SLC38A1: variants seen among roughly 807,000 people sequenced by gnomAD.
SLC38A1 encodes the protein solute carrier family 38 member 1.
In SLC38A1, 18 loss-of-function variants were observed where a neutral mutation model predicts 60.3. The observed-to-expected ratio is 0.30, with a 90% CI of 0.21 to 0.44. SLC38A1 has a LOEUF of 0.44. Among genes scored for constraint, SLC38A1 ranks in the 20% least tolerant of loss-of-function variants. The pLI, the probability that SLC38A1 is intolerant of heterozygous loss-of-function variation, is 1.00. For missense variants in SLC38A1, 448 were observed against 587.2 expected (o/e 0.76, Z 2.45); for synonymous variants, 196 against 212.1 (o/e 0.92, Z 0.66).
intron 1 of SLC38A1, among the ~76,000 whole-genome samples, chr12:46,248,412 A>AT (rs948476371): frequency 2.0e-5 from 3 of 152,248 alleles, no homozygotes; most frequent in African/African-American, 7.2e-5. Flanking sequence ...CAGACTTTAA[A>AT]TGAACAAAGA....
At chr12:46,249,427 T>C (rs1214045034) in intron 1 of SLC38A1, among the ~76,000 whole-genome samples, 1 of 151,954 alleles carries the variant, frequency 6.6e-6, no homozygotes, top group African/African-American at 2.4e-5. Context: ...TTAGAGGAAC[T>C]AGAGAAGCAA....
chr12:46,205,381 T>C (rs529320260), intron 9 of SLC38A1, among the ~76,000 whole-genome samples: 1 of 152,286 alleles, frequency 6.6e-6, no homozygotes, highest in East Asian at 1.9e-4. Flanking sequence ...CTAAGGCTCA[T>C]AATTATTGTT....
chr12:46,240,136 G>T (rs1941397263), intron 2 of SLC38A1, among the ~76,000 whole-genome samples: 1 of 152,030 alleles, frequency 6.6e-6, no homozygotes, highest in African/African-American at 2.4e-5. Flanking sequence ...TACTGATCAG[G>T]TTTATAAGAA....
At chr12:46,211,701 C>T (rs1940179162) in intron 5 of SLC38A1, among the ~76,000 whole-genome samples, 1 of 152,224 alleles carries the variant, frequency 6.6e-6, no homozygotes, top group Non-Finnish European at 1.5e-5. Context: ...TTATCTTCTT[C>T]CCCCCACTTA....
At chr12:46,265,525 T>G (rs1249433946) in intron 1 of SLC38A1, among the ~76,000 whole-genome samples, 1 of 152,018 alleles carries the variant, frequency 6.6e-6, no homozygotes, top group Non-Finnish European at 1.5e-5. Flanking sequence ...AGGGAGGGAA[T>G]AGGGTGAACT....
rs1249685521 is a variant in SLC38A1 at position 46,268,427 on chromosome 12, A to C, written c.-209+99T>G. On this transcript the variant is annotated intron_variant, in intron 1 of 16. Coordinates refer to ENST00000398637, the MANE Select transcript of SLC38A1 (RefSeq NM_030674.4). The surrounding 1 kb of genome is among the most constrained non-coding windows in gnomAD (Gnocchi z 4.4). Reference sequence around the variant, plus strand: ...GCACAGCCGAGCTCTCTCTGCTTTCACGCCCGCAGAGATGATTTCTACGTT... The same window carrying C: ...GCACAGCCGAGCTCTCTCTGCTTTCCCGCCCGCAGAGATGATTTCTACGTT... 1 of 153,354 alleles carries C rather than the reference A, an allele frequency of 6.5e-6. No individual in the cohort carries two copies. The highest frequency in any genetic ancestry group is 2.4e-5 in the African/African-American group (1 of 41,474). 9.5% of individuals were successfully genotyped at this position (153,354 alleles called of 1,614,324 possible).
chr12:46,234,315 T>G (rs1489543754), intron 3 of SLC38A1, among the ~76,000 whole-genome samples: 1 of 152,244 alleles, frequency 6.6e-6, no homozygotes, highest in Admixed American at 6.5e-5. Context: ...GGGAGTAGCT[T>G]AAGCTGGAGG....
chr12:46,240,021 TA>T (rs1379288891), intron 2 of SLC38A1, 128 bp from the exon 3 acceptor site: 1 of 488,476 alleles, frequency 2.0e-6, no homozygotes, highest in Non-Finnish European at 3.7e-6. Context: ...CTAGATGCAT[TA>T]AAGCAATCTT....
chr12:46,266,529 T>C (rs764257572), intron 1 of SLC38A1, among the ~76,000 whole-genome samples: 1 of 151,920 alleles, frequency 6.6e-6, no homozygotes, highest in African/African-American at 2.4e-5. Context: ...CATTCGGGTC[T>C]GAGGACAAAT....
At chr12:46,244,043 A>C (rs1246258411) in intron 1 of SLC38A1, among the ~76,000 whole-genome samples, 1 of 152,218 alleles carries the variant, frequency 6.6e-6, no homozygotes, top group Non-Finnish European at 1.5e-5. Context: ...CTAAAATGAC[A>C]CTGTACCTCA....
rs1441869733 is a variant in SLC38A1, at chr12:46,189,033, C to T, written c.1401G>A (p.Leu467=). The change falls in exon 17 of 17, where the codon TTG becomes TTA. Residue 467 remains leucine, a synonymous_variant. Transcript: ENST00000398637. ...LFLGLGVLFS[L]VSIPLVIYDW... ...CATAGATGACCAAGGGAATGCTGAC[C>T]AAGGAGAACAACACCCCCAGGCCCA... The T allele has an allele frequency of 6.2e-7, 1 of 1,613,544 alleles. No homozygotes were observed. Among genetic ancestry groups the T allele is most frequent in the Admixed American group, 1.7e-5 (1 of 59,970 alleles).
chr12:46,204,689 C>G, intron 9 of SLC38A1, 99 bp from the exon 10 acceptor site: 1 of 824,934 alleles, frequency 1.2e-6, no homozygotes. Flanking sequence ...AAATTCATCA[C>G]CTCACTTATT....
chr12:46,234,355 T>C (rs1045616073), intron 3 of SLC38A1, among the ~76,000 whole-genome samples: 2 of 152,220 alleles, frequency 1.3e-5, no homozygotes, highest in Middle Eastern at 3.2e-3. Context: ...ATGAAGTACT[T>C]AAAGCGTCCC....
Position 46,239,741 on chromosome 12 carries a change from C to G in SLC38A1, c.60G>C (p.Glu20Asp), listed in dbSNP as rs950865182. 2 of 1,613,462 alleles carry G rather than the reference C, an allele frequency of 1.2e-6. No homozygotes were observed. The highest frequency in any genetic ancestry group is 3.3e-5 in the Admixed American group (2 of 60,020). ...LTELQNMTVP[E>D]DDNISNDSND... ...TGGAGTCATTGCTAATGTTATCATC[C>G]TCGGGCACTGTCATGTTTTGCAACT... Residue 20 changes from glutamate (E) to aspartate (D), a missense_variant, in exon 3 of 17, where the codon GAG (glutamate) becomes GAC (aspartate). Coordinates refer to ENST00000398637, the MANE Select transcript of SLC38A1 (RefSeq NM_030674.4).
In SLC38A1 at chr12:46,209,065, G is replaced by T; in HGVS notation, c.377C>A (p.Ser126Ter). Residue 126 changes from serine (S) to a stop codon, truncating the protein, a stop_gained, in exon 6 of 17, where the codon TCA (serine) becomes TAA (stop). Transcript: ENST00000398637. LOFTEE classifies it high-confidence loss of function. The stretch of plus-strand genomic sequence containing the variant: ...CGTCCTCAGCTTACCTGTTTCTTTT[G>T]AACAGATCAATAGGAGGTTTATTGA... Reference protein sequence around the residue: ...IYSINLLLICSKETGCMVYEK... With the variant: ...IYSINLLLIC The T allele has an allele frequency of 6.2e-7, 1 of 1,610,046 alleles. No homozygotes were observed. The highest frequency in any genetic ancestry group is 1.1e-5 in the South Asian group (1 of 90,330).
At chr12:46,231,118 C>CA (rs11424969) in intron 3 of SLC38A1, among the ~76,000 whole-genome samples, 79,755 of 151,616 alleles carry the variant, frequency 0.53, 21,827 homozygotes, top group East Asian at 0.71. Context: ...ACTATGTCAC[C>CA]ATAACAAATA....
intron 5 of SLC38A1, among the ~76,000 whole-genome samples, chr12:46,209,381 G>A (rs1220030833): frequency 6.6e-6 from 1 of 152,172 alleles, no homozygotes; most frequent in Admixed American, 6.5e-5. Context: ...CTCTCTGGGA[G>A]CATTTCGGTT....
At chr12:46,213,876 TA>T (rs1289330913) in intron 5 of SLC38A1, among the ~76,000 whole-genome samples, 1 of 152,194 alleles carries the variant, frequency 6.6e-6, no homozygotes, top group Non-Finnish European at 1.5e-5. Context: ...AACACACACA[TA>T]ACAGAGTCTT....
chr12:46,229,321 C>A (rs1940982551), intron 4 of SLC38A1, 53 bp from the exon 5 acceptor site: 4 of 1,293,620 alleles, frequency 3.1e-6, no homozygotes, highest in Non-Finnish European at 4.4e-6. Flanking sequence ...CAAGAAAGTT[C>A]ATCAAGCCAA....
Sources: gnomAD v4.1 joint callset for allele counts (sites outside exome capture counted in the v4.1 genomes callset) on GRCh38, gnomAD v4.1.1 for gene constraint, Gnocchi (gnomAD v3.1) non-coding constraint, MANE v1.5 for transcripts, NCBI Gene and HGNC (gene_info 2026-07-23, HGNC 2026-07-21) for gene names.